The following DPP10 variants were observed in gnomAD, a reference collection of about 807,000 sequenced individuals.
The protein encoded by DPP10 is inactive dipeptidyl peptidase 10.
A neutral mutation model predicts 120.9 loss-of-function variants in DPP10; 33 were observed. The observed-to-expected ratio is 0.27, with a 90% CI of 0.21 to 0.37. DPP10 has a LOEUF of 0.37. Ranked by LOEUF, DPP10 falls within the 10% of genes least tolerant of loss-of-function variation. The pLI is 1.00. For missense variants in DPP10, 816 were observed against 942.8 expected (o/e 0.87, Z 1.76); for synonymous variants, 337 against 326.1 (o/e 1.03, Z -0.36).
chr2:115,688,064 A>C (rs1411010523), intron 5 of DPP10, among the ~76,000 whole-genome samples: 2 of 142,810 alleles, frequency 1.4e-5, no homozygotes, highest in Non-Finnish European at 3.2e-5. Context: ...GAAAATATTG[A>C]CAGAAGTGGT....
intron 1 of DPP10, among the ~76,000 whole-genome samples, chr2:114,817,944 T>A (rs1159435809): frequency 1.3e-5 from 2 of 152,204 alleles, no homozygotes; most frequent in Non-Finnish European, 2.9e-5. Flanking sequence ...GCAGAGTTTA[T>A]CTAACTCAAG....
At chr2:115,166,853 G>A (rs1171862265) in intron 1 of DPP10, among the ~76,000 whole-genome samples, 1 of 152,008 alleles carries the variant, frequency 6.6e-6, no homozygotes, top group African/African-American at 2.4e-5. Flanking sequence ...TTGGTTTCTT[G>A]AATTATTTAT....
At chr2:115,619,531 G>T (rs1397012656) in intron 5 of DPP10, among the ~76,000 whole-genome samples, 1 of 152,080 alleles carries the variant, frequency 6.6e-6, no homozygotes, top group African/African-American at 2.4e-5. Flanking sequence ...TTTCTTGAGA[G>T]TCCCATTGTC....
At position 115,343,901 on chromosome 2, in the gene DPP10, G is replaced by C; in HGVS notation, c.260G>C (p.Arg87Pro). The change falls in exon 3 of 26, where the codon CGG becomes CCG. Residue 87 changes from arginine (R) to proline (P), a missense_variant. Transcript: ENST00000410059. ...TTTGTGCTTCACGATCCAGAGGCTCGGTGGATCAATGGTAAGTGTATACCT... is the reference window on the plus strand; with the variant it reads ...TTTGTGCTTCACGATCCAGAGGCTCCGTGGATCAATGGTAAGTGTATACCT... ...KDFVLHDPEA[R>P]WINDTDVVYK... 6.2e-7 allele frequency: 1 copy of C among 1,609,800 alleles called. No individual in the cohort carries two copies. Among genetic ancestry groups the C allele is most frequent in the Non-Finnish European group, 8.5e-7 (1 of 1,177,742 alleles).
At chr2:115,022,339 C>A (rs188031831) in intron 1 of DPP10, among the ~76,000 whole-genome samples, 2 of 151,704 alleles carry the variant, frequency 1.3e-5, no homozygotes, top group Admixed American at 6.6e-5. Flanking sequence ...TTAATGTACG[C>A]GAATCAGTAG....
chr2:115,381,580 G>A (rs1280174711), intron 3 of DPP10, among the ~76,000 whole-genome samples: 2 of 152,190 alleles, frequency 1.3e-5, no homozygotes, highest in African/African-American at 2.4e-5. Flanking sequence ...GTCCAGCTTT[G>A]TTCCATTGCT....
intron 1 of DPP10, among the ~76,000 whole-genome samples, chr2:114,910,213 A>C (rs1038742887): frequency 2.0e-5 from 3 of 152,016 alleles, no homozygotes; most frequent in African/African-American, 7.2e-5. Flanking sequence ...TATAAGCACA[A>C]ATATATTAAT....
chr2:114,786,278 C>T (rs1000733981), intron 1 of DPP10, among the ~76,000 whole-genome samples: 2 of 152,096 alleles, frequency 1.3e-5, no homozygotes, highest in Admixed American at 6.6e-5. Context: ...AACTATTTAC[C>T]TTAATGATTT....
At chr2:115,637,273 T>G (rs1450628338) in intron 5 of DPP10, among the ~76,000 whole-genome samples, 1 of 152,134 alleles carries the variant, frequency 6.6e-6, no homozygotes, top group Admixed American at 6.6e-5. Context: ...AAAATATCTT[T>G]CAAAAAACTG....
intron 5 of DPP10, among the ~76,000 whole-genome samples, chr2:115,659,491 A>G (rs907856871): frequency 4.6e-5 from 7 of 152,196 alleles, no homozygotes; most frequent in Non-Finnish European, 8.8e-5. Flanking sequence ...GTAAAAAGCT[A>G]CAATTCAACC....
chr2:114,701,439 A>C (rs1700378997), intron 1 of DPP10, among the ~76,000 whole-genome samples: 1 of 152,124 alleles, frequency 6.6e-6, no homozygotes, highest in South Asian at 2.1e-4. Context: ...AGACCAGTTA[A>C]AGATTATGCT....
intron 3 of DPP10, among the ~76,000 whole-genome samples, chr2:115,404,047 G>A (rs1369719469): frequency 6.6e-6 from 1 of 152,100 alleles, no homozygotes; most frequent in African/African-American, 2.4e-5. Flanking sequence ...TAAAATACCT[G>A]AGTATTAGAC....
intron 1 of DPP10, among the ~76,000 whole-genome samples, chr2:114,863,970 C>T (rs1389334923): frequency 6.6e-6 from 1 of 152,062 alleles, no homozygotes; most frequent in Non-Finnish European, 1.5e-5. Flanking sequence ...GGAGCTTCAA[C>T]TAATTGAAGG....
chr2:115,567,532 T>C (rs2081074367), intron 5 of DPP10, among the ~76,000 whole-genome samples: 1 of 71,280 alleles, frequency 1.4e-5, no homozygotes, highest in Admixed American at 1.4e-4. Flanking sequence ...AAAGATTTTC[T>C]CATTTTTTTT....
intron 1 of DPP10, among the ~76,000 whole-genome samples, chr2:114,898,722 C>G (rs998911357): frequency 3.9e-5 from 6 of 152,132 alleles, no homozygotes; most frequent in Non-Finnish European, 8.8e-5. Context: ...TTTCACTTTT[C>G]AATAGCTGAT....
At chr2:114,853,165 G>T (rs997412280) in intron 1 of DPP10, among the ~76,000 whole-genome samples, 8 of 152,156 alleles carry the variant, frequency 5.3e-5, no homozygotes, top group Non-Finnish European at 8.8e-5. Context: ...ATCTCTGGGG[G>T]ACAATGATCT....
chr2:114,585,181 C>T (rs1690849869), intron 1 of DPP10, among the ~76,000 whole-genome samples: 1 of 152,162 alleles, frequency 6.6e-6, no homozygotes, highest in Non-Finnish European at 1.5e-5. Flanking sequence ...CCTTTGGAGA[C>T]TCTAGGGAAG....
At chr2:115,538,254 C>G (rs1232842902) in intron 5 of DPP10, among the ~76,000 whole-genome samples, 1 of 151,898 alleles carries the variant, frequency 6.6e-6, no homozygotes, top group African/African-American at 2.4e-5. Flanking sequence ...GTTCTGAATA[C>G]TAGTTAGGTG....
intron 1 of DPP10, among the ~76,000 whole-genome samples, chr2:115,011,308 C>G (rs1396922): frequency 6.6e-6 from 1 of 151,860 alleles, no homozygotes; most frequent in Admixed American, 6.6e-5. Context: ...ATTATGTTGT[C>G]GTTTACCTCT....
Sources: gnomAD v4.1 joint callset for allele counts (sites outside exome capture counted in the v4.1 genomes callset) on GRCh38, gnomAD v4.1.1 for gene constraint, MANE v1.5 for transcripts, NCBI Gene and HGNC (gene_info 2026-07-23, HGNC 2026-07-21) for gene names.